Variants in FAM135B observed in about 807,000 individuals in gnomAD.
The protein encoded by FAM135B is protein FAM135B.
FAM135B carries 43 observed loss-of-function variants against 127.7 expected under a neutral mutation model. The observed-to-expected ratio is 0.34, with a 90% CI of 0.26 to 0.43. The LOEUF is 0.43. Among genes scored for constraint, FAM135B ranks in the 20% least tolerant of loss-of-function variants. The pLI, the probability that FAM135B is intolerant of heterozygous loss-of-function variation, is 1.00. For synonymous variants in FAM135B, 670 were observed against 665.1 expected, an observed-to-expected ratio of 1.01 and a Z score of -0.11; for missense variants, 1,558 against 1,725.6, an observed-to-expected ratio of 0.90 and a Z score of 1.72.
rs541003294 is a variant in FAM135B at position 138,475,801 on chromosome 8, T to C, written c.-20+20870A>G. On this transcript the variant is annotated intron_variant, in intron 1 of 19. Coordinates refer to ENST00000395297, the MANE Select transcript of FAM135B (RefSeq NM_015912.4). Reference sequence around the variant, plus strand: ...GTGGAAATGCAAAGTGGTACATAATTGGTTGTTTCTTACAAAACTAAACAT... The same window carrying C: ...GTGGAAATGCAAAGTGGTACATAATCGGTTGTTTCTTACAAAACTAAACAT... Among the ~76,000 whole-genome samples the C allele has an allele frequency of 1.9e-3, 291 of 152,304 alleles. 3 individuals are homozygous for C. In the South Asian group the frequency reaches 0.021, roughly 11 times the overall value.
At chr8:138,163,757 T>C (rs141213745) in intron 12 of FAM135B, among the ~76,000 whole-genome samples, 1 of 152,164 alleles carries the variant, frequency 6.6e-6, no homozygotes, top group Non-Finnish European at 1.5e-5. Flanking sequence ...CATGAGAACA[T>C]ACTAATACAC....
chr8:138,327,557 C>T lies in FAM135B; in HGVS notation c.78-16637G>A, dbSNP rs554748001. Among the ~76,000 whole-genome samples the T allele has an allele frequency of 8.5e-5, 13 of 152,282 alleles. No individual in the cohort carries two copies. The East Asian group carries it at 1.5e-3, about 18-fold the overall frequency. ...AACATTCACAAGTCATGCCAGTAATCGTGATGGAAAAAGCCATTGCAAGCT... is the reference window on the plus strand; with the variant it reads ...AACATTCACAAGTCATGCCAGTAATTGTGATGGAAAAAGCCATTGCAAGCT... On this transcript the variant is annotated intron_variant, in intron 2 of 19. Coordinates refer to ENST00000395297, the MANE Select transcript of FAM135B (RefSeq NM_015912.4).
At chr8:138,134,466 GC>G (rs1454015482) in intron 19 of FAM135B, among the ~76,000 whole-genome samples, 1 of 152,098 alleles carries the variant, frequency 6.6e-6, no homozygotes, top group African/African-American at 2.4e-5. Flanking sequence ...GGTTTCATAA[GC>G]CCTGGAGGCA....
chr8:138,156,716 G>C (rs764873964), intron 12 of FAM135B, among the ~76,000 whole-genome samples: 35 of 152,148 alleles, frequency 2.3e-4, no homozygotes, highest in Admixed American at 4.6e-4. Context: ...ATAAATTCCT[G>C]GACACATACA....
At chr8:138,472,941 T>C (rs1837765249) in intron 1 of FAM135B, among the ~76,000 whole-genome samples, 1 of 152,192 alleles carries the variant, frequency 6.6e-6, no homozygotes, top group South Asian at 2.1e-4. Flanking sequence ...ACATTTTATC[T>C]GGAGGTCACA....
chr8:138,146,189 C>G (rs1817637854), intron 14 of FAM135B, 139 bp from the exon 15 acceptor site: 1 of 584,762 alleles, frequency 1.7e-6, no homozygotes, highest in Non-Finnish European at 3.1e-6. Context: ...ATAATATAAA[C>G]AACTAAAACA....
At chr8:138,333,220 C>T (rs1828315034) in intron 2 of FAM135B, among the ~76,000 whole-genome samples, 1 of 152,152 alleles carries the variant, frequency 6.6e-6, no homozygotes, top group Non-Finnish European at 1.5e-5. Context: ...CCCTGCAACA[C>T]TTGCCCTGGG....
intron 1 of FAM135B, among the ~76,000 whole-genome samples, chr8:138,422,234 C>T (rs1418806146): frequency 2.0e-5 from 3 of 152,054 alleles, no homozygotes; most frequent in Non-Finnish European, 4.4e-5. Context: ...GACGATGACT[C>T]TAAAAGCAAT....
intron 1 of FAM135B, among the ~76,000 whole-genome samples, chr8:138,380,280 C>T (rs1260896392): frequency 6.6e-6 from 1 of 152,152 alleles, no homozygotes; most frequent in Non-Finnish European, 1.5e-5. Flanking sequence ...TCACAGCAAC[C>T]TCCGCCTCCT....
chr8:138,231,987 C>G (rs1215934386), intron 7 of FAM135B, among the ~76,000 whole-genome samples: 1 of 152,184 alleles, frequency 6.6e-6, no homozygotes, highest in Non-Finnish European at 1.5e-5. Flanking sequence ...GAGTCCCAGA[C>G]AAATCTTATA....
chr8:138,348,489 AAAT>A (rs1230134297), intron 2 of FAM135B, among the ~76,000 whole-genome samples: 2 of 152,180 alleles, frequency 1.3e-5, no homozygotes, highest in Non-Finnish European at 2.9e-5. Flanking sequence ...CGACAAAAGA[AAAT>A]AAACACTTTA....
chr8:138,414,579 T>A (rs1464766119), intron 1 of FAM135B, among the ~76,000 whole-genome samples: 1 of 152,178 alleles, frequency 6.6e-6, no homozygotes, highest in African/African-American at 2.4e-5. Context: ...TTTAATTTAA[T>A]AACAAAGAAT....
chr8:138,484,132 A>C (rs1814895792), intron 1 of FAM135B, among the ~76,000 whole-genome samples: 2 of 152,184 alleles, frequency 1.3e-5, no homozygotes, highest in African/African-American at 4.8e-5. Context: ...TTTTAGCCTA[A>C]GCAGGATTCT....
intron 1 of FAM135B, among the ~76,000 whole-genome samples, chr8:138,444,719 C>A (rs1587470372): frequency 6.6e-6 from 1 of 152,026 alleles, no homozygotes; most frequent in African/African-American, 2.4e-5. Context: ...AAAATTGACA[C>A]CCTAACATCA....
intron 3 of FAM135B, among the ~76,000 whole-genome samples, chr8:138,266,589 G>GTGTATATATATGTATA (rs1217882824): frequency 1.4e-5 from 2 of 145,240 alleles, no homozygotes; most frequent in African/African-American, 5.0e-5. Context: ...ATATATGTGT[G>GTGTATATATATGTATA]TGTATATATA....
chr8:138,258,651 G>C (rs1436479112), intron 4 of FAM135B, among the ~76,000 whole-genome samples: 1 of 152,150 alleles, frequency 6.6e-6, no homozygotes, highest in Non-Finnish European at 1.5e-5. Context: ...TCCTGGATAA[G>C]CTGTGGCTAA....
At position 138,152,594 on chromosome 8, in the gene FAM135B, C is replaced by T. The variant is rs776479163; in HGVS notation, c.1881G>A (p.Lys627=). The change falls in exon 13 of 20, where the codon AAG becomes AAA. Residue 627 remains lysine, a synonymous_variant. Transcript: ENST00000395297. The stretch of plus-strand genomic sequence containing the variant: ...TGAGTTTCAAGCTTAGCAGCACCAT[C>T]TTCCCCTCTTGATCTATTCCCTTTC... The part of the protein sequence containing the change: ...TLGKGIDQEG[K]MVLLSLKLTP... The T allele has an allele frequency of 6.2e-7, 1 of 1,614,206 alleles. No individual in the cohort carries two copies. The highest frequency in any genetic ancestry group is 8.5e-7 in the Non-Finnish European group (1 of 1,180,026).
At chr8:138,380,449 C>T (rs2131282019) in intron 1 of FAM135B, among the ~76,000 whole-genome samples, 1 of 152,262 alleles carries the variant, frequency 6.6e-6, no homozygotes, top group East Asian at 1.9e-4. Flanking sequence ...CCACCTCAGC[C>T]TCCCAAAGTG....
intron 1 of FAM135B, among the ~76,000 whole-genome samples, chr8:138,426,118 ATG>A (rs36037032): frequency 0.41 from 49,333 of 119,950 alleles, 10,693 homozygotes; most frequent in Non-Finnish European, 0.49. Flanking sequence ...ATATACACAT[ATG>A]TGTGTGTGTG....
Sources: allele counts gnomAD v4.1 joint callset (sites outside exome capture counted in the v4.1 genomes callset), GRCh38; gene constraint gnomAD v4.1.1; transcripts MANE v1.5; gene names NCBI Gene and HGNC (gene_info 2026-07-23, HGNC 2026-07-21).